KDM4C: variants seen among roughly 807,000 people sequenced by gnomAD.
KDM4C encodes the protein lysine-specific demethylase 4C.
A neutral mutation model predicts 129.3 loss-of-function variants in KDM4C; 81 were observed. The observed-to-expected ratio is 0.63, with a 90% confidence interval of 0.52 to 0.75. KDM4C has a LOEUF of 0.75. KDM4C is among the 30% of genes least tolerant of loss of function. KDM4C has a pLI of 0.00. For missense variants in KDM4C, 1,457 were observed against 1,304.0 expected (o/e 1.12, Z -1.81); for synonymous variants, 573 against 456.1 (o/e 1.26, Z -3.26).
In KDM4C at chr9:6,734,669, C is replaced by T. The variant is rs147458268; in HGVS notation, c.49+13672C>T. On this transcript the variant is annotated intron_variant, in intron 1 of 17. Coordinates refer to the KDM4C transcript ENST00000536108. ...GCCATCAGTCCTGCAAAGTAATTGC[C>T]GAGGCTGACTCCTTTCACAGTGATT... 543 of 290,714 alleles carry T rather than the reference C, an allele frequency of 1.9e-3. 5 individuals are homozygous for T. The highest frequency in any genetic ancestry group is 0.011 in the African/African-American group (510 of 44,660). The allele number at this position is 290,714 out of a possible 1,614,324, so 18.0% of individuals were successfully genotyped here.
intron 4 of KDM4C, chr9:6,834,804 A>G (rs1186848894): frequency 2.2e-6 from 3 of 1,368,048 alleles, no homozygotes; most frequent in Non-Finnish European, 2.1e-6. Context: ...GCCAGCCGCG[A>G]GAAGATGACC....
intron 5 of KDM4C, among the ~76,000 whole-genome samples, chr9:6,856,535 TGTG>T (rs1564171434): frequency 2.3e-5 from 3 of 130,222 alleles, no homozygotes; most frequent in African/African-American, 9.6e-5. Context: ...TCTCTCTCTG[TGTG>T]CGTGTGTGTG....
In KDM4C at chr9:6,805,579, T is replaced by C. The variant is rs1472196851; in HGVS notation, c.145-20T>C. On this transcript the variant is annotated intron_variant, in intron 2 of 21. Coordinates refer to ENST00000381309, the MANE Select transcript of KDM4C (RefSeq NM_015061.6). ...GGAGTATTTTCAAGATGATATTTTA[T>C]TTCATTATTTTATTTTTAGGTGATT... The C allele has an allele frequency of 1.3e-6, 2 of 1,563,112 alleles. No individual in the cohort carries two copies. Among genetic ancestry groups the C allele is most frequent in the Admixed American group, 3.7e-5 (2 of 54,540 alleles).
At chr9:6,880,160 C>G (rs1347875881) in intron 6 of KDM4C, 99 bp downstream of exon 6, 2 of 638,896 alleles carry the variant, frequency 3.1e-6, no homozygotes, top group Non-Finnish European at 5.4e-6. Flanking sequence ...TAGACCGTTA[C>G]TCTGTTGGTT....
chr9:7,015,328 A>G (rs1358303383), intron 14 of KDM4C, among the ~76,000 whole-genome samples: 1 of 152,116 alleles, frequency 6.6e-6, no homozygotes, highest in Non-Finnish European at 1.5e-5. Flanking sequence ...TGCTATGTAT[A>G]TTTGCATCAT....
intron 5 of KDM4C, among the ~76,000 whole-genome samples, chr9:6,858,356 CACG>C (rs200427225): frequency 1.6e-4 from 24 of 151,050 alleles, no homozygotes; most frequent in Middle Eastern, 3.4e-3. Flanking sequence ...CCACCACCAC[CACG>C]ACCACCACCA....
intron 3 of KDM4C, among the ~76,000 whole-genome samples, chr9:6,810,350 G>C (rs956997148): frequency 6.6e-6 from 1 of 152,106 alleles, no homozygotes; most frequent in Non-Finnish European, 1.5e-5. Flanking sequence ...GATATGGTAG[G>C]TGCTTTTTCA....
chr9:6,767,034 C>T (rs568343591), intron 1 of KDM4C, among the ~76,000 whole-genome samples: 66 of 152,244 alleles, frequency 4.3e-4, no homozygotes, highest in African/African-American at 1.6e-3. Flanking sequence ...CCATCAGATA[C>T]TTTGAATGGT....
intron 3 of KDM4C, among the ~76,000 whole-genome samples, chr9:6,808,149 A>T (rs1331380866): frequency 9.4e-5 from 5 of 53,392 alleles, no homozygotes; most frequent in East Asian, 5.5e-4. Flanking sequence ...CCTACTGGGA[A>T]GTGAGGAGCT....
intron 6 of KDM4C, among the ~76,000 whole-genome samples, chr9:6,885,051 T>A (rs1845048223): frequency 6.6e-6 from 1 of 152,226 alleles, no homozygotes; most frequent in Non-Finnish European, 1.5e-5. Context: ...ATTTTAAGAA[T>A]AGAGCTCATT....
intron 18 of KDM4C, among the ~76,000 whole-genome samples, chr9:7,118,067 C>T (rs1353215041): frequency 6.6e-6 from 1 of 152,212 alleles, no homozygotes; most frequent in Non-Finnish European, 1.5e-5. Flanking sequence ...GTTCTCTTCA[C>T]TTACCAAACA....
intron 1 of KDM4C, among the ~76,000 whole-genome samples, chr9:6,736,133 AGCATGAAAGCATTC>A (rs1369184024): frequency 1.3e-5 from 2 of 152,170 alleles, no homozygotes; most frequent in African/African-American, 2.4e-5. Context: ...GAAATTTCCT[AGCATGAAAGCATTC>A]GCGTGGTGAC....
chr9:7,065,668 T>C lies in KDM4C; in HGVS notation c.2424+16468T>C, dbSNP rs185923296. Among the ~76,000 whole-genome samples the C allele has an allele frequency of 2.6e-5, 4 of 152,354 alleles. No individual in the cohort carries two copies. The East Asian group carries it at 7.7e-4, about 29-fold the overall frequency. ...ATTGACCGTGTCAAAATTTGCAGTG[T>C]AGTCCAGTGAAATATTTTACTATGA... On this transcript the variant is annotated intron_variant, in intron 17 of 21. Transcript: ENST00000381309.
intron 19 of KDM4C, among the ~76,000 whole-genome samples, chr9:7,137,280 T>A (rs527520695): frequency 5.7e-4 from 86 of 152,206 alleles, no homozygotes; most frequent in Non-Finnish European, 1.0e-3. Context: ...CACCAAATTA[T>A]GAATATCCAT....
intron 5 of KDM4C, among the ~76,000 whole-genome samples, chr9:6,865,239 A>G (rs1241018996): frequency 1.3e-5 from 2 of 151,888 alleles, no homozygotes; most frequent in African/African-American, 2.4e-5. Context: ...CGATCTCCTG[A>G]CCTCGTGATC....
intron 2 of KDM4C, among the ~76,000 whole-genome samples, chr9:6,798,922 C>A (rs1240763345): frequency 6.6e-6 from 1 of 151,094 alleles, no homozygotes; most frequent in African/African-American, 2.4e-5. Flanking sequence ...ACCTCCCAGA[C>A]GGGGTCGCGG....
chr9:7,120,958 A>G (rs1839424045), intron 18 of KDM4C, among the ~76,000 whole-genome samples: 1 of 152,208 alleles, frequency 6.6e-6, no homozygotes, highest in African/African-American at 2.4e-5. Context: ...TATATGTAGT[A>G]TTTCAGAAAT....
chr9:7,037,609 C>T (rs977675528), intron 15 of KDM4C, among the ~76,000 whole-genome samples: 3 of 152,058 alleles, frequency 2.0e-5, no homozygotes, highest in Non-Finnish European at 4.4e-5. Context: ...AAATAGCTGG[C>T]ATTGTTAAAA....
At chr9:6,811,261 C>G (rs761500491) in intron 3 of KDM4C, among the ~76,000 whole-genome samples, 9 of 152,098 alleles carry the variant, frequency 5.9e-5, no homozygotes, top group African/African-American at 9.7e-5. Context: ...TCAAGTGATT[C>G]TCCTGCCTCA....
Sources: gnomAD v4.1 joint callset for allele counts (sites outside exome capture counted in the v4.1 genomes callset) on GRCh38, gnomAD v4.1.1 for gene constraint, MANE v1.5 for transcripts, NCBI Gene and HGNC (gene_info 2026-07-23, HGNC 2026-07-21) for gene names.